Variants in RPS6KA1 observed in about 807,000 individuals in gnomAD.
RPS6KA1 encodes ribosomal protein S6 kinase alpha-1.
A neutral mutation model predicts 91.3 loss-of-function variants in RPS6KA1; 48 were observed. The observed-to-expected ratio is 0.53, with a 90% CI of 0.42 to 0.67. RPS6KA1 has a LOEUF of 0.67. RPS6KA1 is among the 30% of genes least tolerant of loss of function. The probability of loss-of-function intolerance (pLI) is 0.00; values close to 1 mark genes in which losing one functional copy is unlikely to be tolerated. For missense variants in RPS6KA1, 719 were observed against 960.5 expected (o/e 0.75, Z 3.32); for synonymous variants, 359 against 384.7 (o/e 0.93, Z 0.78).
intron 14 of RPS6KA1, among the ~76,000 whole-genome samples, chr1:26,560,279 G>A (rs565738542): frequency 8.5e-5 from 13 of 152,294 alleles, no homozygotes; most frequent in Admixed American, 1.3e-4. Context: ...GCATTGCTAC[G>A]GCTAATGTCC....
At chr1:26,536,897 C>T in intron 1 of RPS6KA1, 28 bp from the exon 2 acceptor site, 1 of 1,613,468 alleles carries the variant, frequency 6.2e-7, no homozygotes, top group South Asian at 1.1e-5. Flanking sequence ...TCTGACAGTG[C>T]TCCCCCAATC....
At chr1:26,570,482 T>TCAAAA (rs1029328277) in intron 17 of RPS6KA1, among the ~76,000 whole-genome samples, 7 of 151,762 alleles carry the variant, frequency 4.6e-5, no homozygotes, top group East Asian at 3.9e-4. Flanking sequence ...AGACCCTGTC[T>TCAAAA]CAAAACAAAA....
intron 2 of RPS6KA1, among the ~76,000 whole-genome samples, chr1:26,538,925 G>A (rs2075926296): frequency 1.3e-5 from 2 of 152,220 alleles, no homozygotes; most frequent in South Asian, 4.1e-4. Context: ...TTGTGCAGTG[G>A]AATGAGCTGG....
intron 1 of RPS6KA1, among the ~76,000 whole-genome samples, chr1:26,534,869 A>G (rs2124612576): frequency 6.6e-6 from 1 of 152,284 alleles, no homozygotes; most frequent in East Asian, 1.9e-4. Context: ...TTCTATGCTA[A>G]GGAGCTGGGA....
In RPS6KA1 at chr1:26,571,627, C is replaced by G. The variant is rs751238791; in HGVS notation, c.1752+17C>G. 1.2e-6 allele frequency: 2 copies of G among 1,613,122 alleles called. No homozygotes were observed. Among genetic ancestry groups the G allele is most frequent in the Admixed American group, 3.3e-5 (2 of 59,906 alleles). ...GCGCCTGAGGTGAGTGGCCCAGCCT[C>G]CTCAGCTGTAAGAGTGAGGGGGAAT... On this transcript the variant is annotated intron_variant, in intron 18 of 21. Coordinates refer to ENST00000374168, the MANE Select transcript of RPS6KA1 (RefSeq NM_002953.4). This position sits in a 1 kb window ranked among gnomAD's most constrained non-coding sequence, Gnocchi z 5.1.
intron 2 of RPS6KA1, among the ~76,000 whole-genome samples, chr1:26,537,701 T>A (rs2075916860): frequency 2.0e-5 from 3 of 152,212 alleles, no homozygotes; most frequent in Admixed American, 6.5e-5. Context: ...ATGCTGGCTA[T>A]GGAGGGTCTT....
chr1:26,541,107 T>A (rs1257692349), intron 2 of RPS6KA1, among the ~76,000 whole-genome samples: 1 of 151,802 alleles, frequency 6.6e-6, no homozygotes, highest in Non-Finnish European at 1.5e-5. Flanking sequence ...AAAAATTTTT[T>A]AAAAATTAGC....
intron 17 of RPS6KA1, among the ~76,000 whole-genome samples, chr1:26,566,279 C>CTTTTT (rs371340177): frequency 3.4e-4 from 33 of 97,936 alleles, no homozygotes; most frequent in South Asian, 4.6e-4. Flanking sequence ...CTCATTGTAG[C>CTTTTT]TTTTTTTTTT....
chr1:26,551,361 C>T lies in RPS6KA1; in HGVS notation c.308-36C>T, dbSNP rs370283207. The T allele has an allele frequency of 6.3e-7, 1 of 1,594,950 alleles. No homozygotes were observed. The highest frequency in any genetic ancestry group is 8.6e-7 in the Non-Finnish European group (1 of 1,163,076). Reference sequence around the variant, plus strand: ...GCTTGGGAGTGGCTGTGTTGAGTGTCTAGGCTACTGGTGACTTCCTTTCTC... The same window carrying T: ...GCTTGGGAGTGGCTGTGTTGAGTGTTTAGGCTACTGGTGACTTCCTTTCTC... On this transcript the variant is annotated intron_variant, in intron 4 of 21. Transcript: ENST00000374168. This position sits in a 1 kb window ranked among gnomAD's most constrained non-coding sequence, Gnocchi z 4.5.
In RPS6KA1 at chr1:26,529,954, C is replaced by A; in HGVS notation, c.34C>A (p.Leu12Ile). 7.0e-7 allele frequency: 1 copy of A among 1,433,364 alleles called. No homozygotes were observed. Among genetic ancestry groups the A allele is most frequent in the Non-Finnish European group, 9.1e-7 (1 of 1,094,442 alleles). 88.8% of individuals were successfully genotyped at this position (1,433,364 alleles called of 1,614,324 possible). The change falls in exon 1 of 22, where the codon CTC becomes ATC. Residue 12 changes from leucine (L) to isoleucine (I), a missense_variant. Coordinates refer to ENST00000374168, the MANE Select transcript of RPS6KA1 (RefSeq NM_002953.4). This position sits in a 1 kb window ranked among gnomAD's most constrained non-coding sequence, Gnocchi z 4.2. ...PLAQLKEPWPLMELVPLDPEN... is the reference protein window; with the variant it reads ...PLAQLKEPWPIMELVPLDPEN... ...CGCCCAGCTCAAGGAGCCCTGGCCG[C>A]TCATGGAGCTAGTGCCTCTGGACCC...
chr1:26,571,603 C>A lies in RPS6KA1; in HGVS notation c.1745C>A (p.Ala582Glu), dbSNP rs768513793. The stretch of plus-strand genomic sequence containing the variant: ...CCTTGCTACACAGCCAACTTTGTGG[C>A]GCCTGAGGTGAGTGGCCCAGCCTCC... The part of the protein sequence containing the change: ...MTPCYTANFV[A>E]PEVLKRQGYD... The change falls in exon 18 of 22, where the codon GCG becomes GAG. Residue 582 changes from alanine to glutamate, a missense_variant. Physicochemically the swap from Ala to Glu is moderately radical, Grantham distance 107 (BLOSUM62 -1). Around this residue, in one of 5 missense-constraint regions of RPS6KA1, gnomAD observed 249 missense variants for 323.1 expected, o/e 0.77. Coordinates refer to ENST00000374168, the MANE Select transcript of RPS6KA1 (RefSeq NM_002953.4). The surrounding 1 kb of genome is among the most constrained non-coding windows in gnomAD (Gnocchi z 5.1). 4 of 1,613,938 alleles carry A rather than the reference C, an allele frequency of 2.5e-6. No individual in the cohort carries two copies. The highest frequency in any genetic ancestry group is 2.2e-5 in the East Asian group (1 of 44,878).
rs981568458 is a variant in RPS6KA1 at position 26,571,387 on chromosome 1, G to T, written c.1591-62G>T. 2 of 1,534,000 alleles carry T rather than the reference G, an allele frequency of 1.3e-6. No homozygotes were observed. The highest frequency in any genetic ancestry group is 1.7e-5 in the Admixed American group (1 of 58,428). On this transcript the variant is annotated intron_variant, in intron 17 of 21. Coordinates refer to ENST00000374168, the MANE Select transcript of RPS6KA1 (RefSeq NM_002953.4). The surrounding 1 kb of genome is among the most constrained non-coding windows in gnomAD (Gnocchi z 5.1). ...CTGTGTAGCTTTCTAATCTCTGGCC[G>T]CTGACCTGGGCCACTAGCCACCTCC...
intron 2 of RPS6KA1, among the ~76,000 whole-genome samples, chr1:26,541,592 A>T (rs976401528): frequency 1.7e-4 from 26 of 152,302 alleles, no homozygotes; most frequent in African/African-American, 2.9e-4. Flanking sequence ...GCAACTGCTC[A>T]ATCAGTAGGA....
At chr1:26,539,112 TAGAACCTCTGCTC>T (rs2075927738) in intron 2 of RPS6KA1, among the ~76,000 whole-genome samples, 1 of 152,178 alleles carries the variant, frequency 6.6e-6, no homozygotes, top group Non-Finnish European at 1.5e-5. Context: ...TGTGGGCACA[TAGAACCTCTGCTC>T]TGTGCTAGGC....
rs753545251 is a variant in RPS6KA1 at position 26,574,113 on chromosome 1, G to C, written c.2120G>C (p.Ser707Thr). 1 of 1,614,110 alleles carries C rather than the reference G, an allele frequency of 6.2e-7. No individual in the cohort carries two copies. The highest frequency in any genetic ancestry group is 1.1e-5 in the South Asian group (1 of 91,084). ...GCTGCCACGTACTCCGCACTCAACA[G>C]CTCCAAGCCCACCCCCCAGCTGAAG... ...AMAATYSALN[S>T]SKPTPQLKPI... Residue 707 changes from serine (S) to threonine (T), a missense_variant, in exon 22 of 22, where the codon AGC (serine) becomes ACC (threonine). Transcript: ENST00000374168. The surrounding 1 kb of genome is among the most constrained non-coding windows in gnomAD (Gnocchi z 4.3).
Position 26,571,644 on chromosome 1 carries a change from A to G in RPS6KA1, c.1752+34A>G. ...CCCAGCCTCCTCAGCTGTAAGAGTG[A>G]GGGGGAATTGGAGGCCTTGTGCCCC... is the stretch of plus-strand genomic sequence containing the variant. On this transcript the variant is annotated intron_variant, in intron 18 of 21. Transcript: ENST00000374168. This position sits in a 1 kb window ranked among gnomAD's most constrained non-coding sequence, Gnocchi z 5.1. The G allele has an allele frequency of 6.2e-7, 1 of 1,608,378 alleles. No homozygotes were observed. Among genetic ancestry groups the G allele is most frequent in the South Asian group, 1.1e-5 (1 of 90,444 alleles).
At chr1:26,552,063 C>A (rs2076055353) in intron 6 of RPS6KA1, among the ~76,000 whole-genome samples, 1 of 152,136 alleles carries the variant, frequency 6.6e-6, no homozygotes, top group Non-Finnish European at 1.5e-5. Flanking sequence ...AGTCATCTTG[C>A]GTATGTCATC....
chr1:26,545,335 A>G (rs555610533), intron 2 of RPS6KA1, among the ~76,000 whole-genome samples: 59 of 142,616 alleles, frequency 4.1e-4, no homozygotes, highest in African/African-American at 1.5e-3. Flanking sequence ...CGCCTGGCCA[A>G]TTTTTTTTTT....
rs898988612 is a variant in RPS6KA1, at chr1:26,557,098, A to C, written c.1082A>C (p.Lys361Thr). ...ACCGAGTTCACGTCCCGCACACCCA[A>C]GGGTGCGTCCCTTATCTGTTTTGTC... ...FDTEFTSRTP[K>T]DSPGIPPSAG... Residue 361 changes from lysine (K) to threonine (T), a missense_variant and splice_region_variant, in exon 13 of 22, where the codon AAG becomes ACG. Physicochemically the swap from Lys to Thr is moderately conservative, Grantham distance 78. Around this residue, in one of 5 missense-constraint regions of RPS6KA1, gnomAD observed 228 missense variants for 247.6 expected, o/e 0.92. Transcript: ENST00000374168. The C allele has an allele frequency of 1.2e-6, 2 of 1,609,188 alleles. No individual in the cohort carries two copies. Among genetic ancestry groups the C allele is most frequent in the Non-Finnish European group, 1.7e-6 (2 of 1,175,750 alleles).
Sources: gnomAD v4.1 joint callset for allele counts (sites outside exome capture counted in the v4.1 genomes callset) on GRCh38, gnomAD v4.1.1 for gene constraint, gnomAD v4.1.1 regional missense constraint, Gnocchi (gnomAD v3.1) non-coding constraint, MANE v1.5 for transcripts, NCBI Gene and HGNC (gene_info 2026-07-23, HGNC 2026-07-21) for gene names.